ZFYVE9: variants seen among roughly 807,000 people sequenced by gnomAD.
The protein encoded by ZFYVE9 is zinc finger FYVE domain-containing protein 9.
Under a neutral mutation model 126.7 loss-of-function variants are expected in ZFYVE9, and 43 were observed. That is an observed-to-expected ratio of 0.34 (90% CI 0.27 to 0.44). The LOEUF is 0.44. Ranked by LOEUF, ZFYVE9 falls within the 20% of genes least tolerant of loss-of-function variation. ZFYVE9 has a pLI of 1.00. For synonymous variants in ZFYVE9, 521 were observed against 597.4 expected (o/e 0.87, Z 1.87); for missense variants, 1,476 against 1,697.0 (o/e 0.87, Z 2.29).
In ZFYVE9 at chr1:52,239,615, T is replaced by C; in HGVS notation, c.2178+20T>C. 1.3e-6 allele frequency: 2 copies of C among 1,594,640 alleles called. No homozygotes were observed. The highest frequency in any genetic ancestry group is 1.7e-6 in the Non-Finnish European group (2 of 1,168,204). ...GGGAAGGTAAGTTGCATGTATACAC[T>C]CAGAAATCGGGCATGCACATTTTGT... On this transcript the variant is annotated intron_variant, in intron 4 of 18. Coordinates refer to ENST00000287727, the MANE Select transcript of ZFYVE9 (RefSeq NM_004799.4).
chr1:52,253,495 A>G (rs893251872), intron 4 of ZFYVE9: 64 of 615,646 alleles, frequency 1.0e-4, no homozygotes, highest in Non-Finnish European at 6.1e-5. Context: ...ATATTTACAC[A>G]TTTAAAAAGC....
intron 4 of ZFYVE9, among the ~76,000 whole-genome samples, chr1:52,259,949 A>G (rs1645562969): frequency 6.6e-6 from 1 of 152,162 alleles, no homozygotes; most frequent in Admixed American, 6.5e-5. Context: ...CAGTTTAATT[A>G]GCTGTTACAC....
chr1:52,315,136 A>G (rs1646172398), intron 13 of ZFYVE9, among the ~76,000 whole-genome samples: 1 of 152,166 alleles, frequency 6.6e-6, no homozygotes. Flanking sequence ...ACTGTTTCAA[A>G]TTAAATGTTT....
intron 1 of ZFYVE9, among the ~76,000 whole-genome samples, chr1:52,191,744 G>T (rs1458427300): frequency 1.3e-5 from 2 of 152,088 alleles, no homozygotes; most frequent in East Asian, 3.9e-4. Flanking sequence ...ACACCACATT[G>T]TCTCGTGATT....
chr1:52,190,953 C>CCCTTCCTT (rs61375385), intron 1 of ZFYVE9, among the ~76,000 whole-genome samples: 10 of 151,706 alleles, frequency 6.6e-5, no homozygotes, highest in African/African-American at 2.2e-4. Flanking sequence ...CTTCCTCCCT[C>CCCTTCCTT]CCTTCCTTCC....
At chr1:52,156,981 C>T (rs374560773) in intron 1 of ZFYVE9, among the ~76,000 whole-genome samples, 8 of 152,096 alleles carry the variant, frequency 5.3e-5, no homozygotes, top group South Asian at 2.1e-4. Flanking sequence ...TACAGGCGCC[C>T]GCCACCTCGC....
chr1:52,150,802 C>A (rs1644349868), intron 1 of ZFYVE9, among the ~76,000 whole-genome samples: 1 of 149,872 alleles, frequency 6.7e-6, no homozygotes, highest in Admixed American at 6.6e-5. Flanking sequence ...AAAGATAGAA[C>A]AAGCAATGTC....
chr1:52,228,721 A>G (rs563520010), intron 2 of ZFYVE9, among the ~76,000 whole-genome samples: 5 of 152,214 alleles, frequency 3.3e-5, no homozygotes, highest in African/African-American at 9.6e-5. Flanking sequence ...AATTAATTCA[A>G]TGTGTCACCC....
At chr1:52,297,785 C>T (rs1404279774) in intron 12 of ZFYVE9, among the ~76,000 whole-genome samples, 2 of 151,820 alleles carry the variant, frequency 1.3e-5, no homozygotes, top group Admixed American at 1.3e-4. Flanking sequence ...TGCAGTGGCA[C>T]GATCTCGGCT....
chr1:52,233,301 G>T, intron 3 of ZFYVE9, 25 bp downstream of exon 3: 1 of 1,542,300 alleles, frequency 6.5e-7, no homozygotes, highest in Non-Finnish European at 8.8e-7. Context: ...TGGTGAATCT[G>T]TTTGCCTATG....
rs183992148 is a variant in ZFYVE9 at position 52,245,181 on chromosome 1, T to C, written c.2178+5586T>C. Reference sequence around the variant, plus strand: ...TCTGTCTCAAAAAAAAAAAAAATTATGACATATTATTTGTTCTTTCATTCA... The same window carrying C: ...TCTGTCTCAAAAAAAAAAAAAATTACGACATATTATTTGTTCTTTCATTCA... On this transcript the variant is annotated intron_variant, in intron 4 of 18. Transcript: ENST00000287727. Among the ~76,000 whole-genome samples the C allele has an allele frequency of 2.6e-5, 4 of 151,572 alleles. No homozygotes were observed. In the South Asian group the frequency reaches 6.3e-4, roughly 24 times the overall value.
At chr1:52,283,316 T>C (rs1422286166) in intron 10 of ZFYVE9, among the ~76,000 whole-genome samples, 1 of 152,184 alleles carries the variant, frequency 6.6e-6, no homozygotes, top group East Asian at 1.9e-4. Context: ...ATGAATGTCT[T>C]ATTTAGGAGC....
intron 1 of ZFYVE9, among the ~76,000 whole-genome samples, chr1:52,165,796 G>A (rs556093724): frequency 6.6e-6 from 1 of 152,172 alleles, no homozygotes; most frequent in Non-Finnish European, 1.5e-5. Context: ...CTAGAACGTG[G>A]CAAAGTGATT....
intron 2 of ZFYVE9, among the ~76,000 whole-genome samples, chr1:52,222,293 TG>T: frequency 6.6e-6 from 1 of 152,188 alleles, no homozygotes; most frequent in Non-Finnish European, 1.5e-5. Context: ...TGTGAACCCT[TG>T]GGGCAAGACT....
At chr1:52,284,102 T>C (rs1645831101) in intron 10 of ZFYVE9, among the ~76,000 whole-genome samples, 2 of 152,336 alleles carry the variant, frequency 1.3e-5, no homozygotes, top group Middle Eastern at 3.4e-3. Flanking sequence ...GTTGGTCTTC[T>C]TCTATTCACC....
intron 13 of ZFYVE9, among the ~76,000 whole-genome samples, chr1:52,327,389 G>A (rs898225615): frequency 1.3e-5 from 2 of 151,470 alleles, no homozygotes; most frequent in Non-Finnish European, 2.9e-5. Flanking sequence ...AGATCACAAG[G>A]TCAGGAGTTC....
chr1:52,169,279 T>C (rs1280682635), intron 1 of ZFYVE9, among the ~76,000 whole-genome samples: 1 of 152,116 alleles, frequency 6.6e-6, no homozygotes, highest in African/African-American at 2.4e-5. Context: ...GGTACACGCC[T>C]GTACTCCCAG....
At position 52,263,818 on chromosome 1, in the gene ZFYVE9, A is replaced by G; in HGVS notation, c.2224A>G (p.Met742Val). ...TAGCCTGAAATGTAAACTGTTATAC[A>G]TGGACAGAAAGGAAGCTAGAGTGTG... ...CCSLKCKLLY[M>V]DRKEARVCVI... Residue 742 changes from methionine (M) to valine (V), a missense_variant, in exon 5 of 19, where the codon ATG becomes GTG. By Grantham distance (21) the Met-to-Val change is conservative. Coordinates refer to ENST00000287727, the MANE Select transcript of ZFYVE9 (RefSeq NM_004799.4). 15 of 1,486,668 alleles carry G rather than the reference A, an allele frequency of 1.0e-5. No individual in the cohort carries two copies. The highest frequency in any genetic ancestry group is 1.3e-5 in the Non-Finnish European group (14 of 1,105,344). The allele number at this position is 1,486,668 out of a possible 1,614,324, so 92.1% of individuals were successfully genotyped here. A position where few individuals can be genotyped will look rare whatever the true frequency, so the allele number is the denominator to read the frequency against.
intron 4 of ZFYVE9, among the ~76,000 whole-genome samples, chr1:52,240,653 G>T (rs751893478): frequency 6.6e-6 from 1 of 152,062 alleles, no homozygotes; most frequent in Non-Finnish European, 1.5e-5. Flanking sequence ...AAGTTCTCTC[G>T]GTCTTCCCCT....
Sources: gnomAD v4.1 joint callset for allele counts (sites outside exome capture counted in the v4.1 genomes callset) on GRCh38, gnomAD v4.1.1 for gene constraint, MANE v1.5 for transcripts, NCBI Gene and HGNC (gene_info 2026-07-23, HGNC 2026-07-21) for gene names.